Variants in ETV6 observed in about 807,000 individuals in gnomAD.
The protein encoded by ETV6 is ETS variant transcription factor 6, also known as transcription factor ETV6.
Under a neutral mutation model 51.1 loss-of-function variants are expected in ETV6, and 16 were observed. The ratio of observed to expected loss-of-function variants is 0.31; its 90% CI spans 0.21 to 0.48. The LOEUF is 0.48. ETV6 is among the 20% of genes least tolerant of loss of function. ETV6 has a pLI of 0.99. For missense variants in ETV6, 458 were observed against 594.8 expected, an observed-to-expected ratio of 0.77 and a Z score of 2.39; for synonymous variants, 240 against 224.1, an observed-to-expected ratio of 1.07 and a Z score of -0.64.
intron 1 of ETV6, among the ~76,000 whole-genome samples, chr12:11,671,416 G>A (rs1213976810): frequency 6.6e-6 from 1 of 152,180 alleles, no homozygotes; most frequent in African/African-American, 2.4e-5. Flanking sequence ...GTGATGTTCA[G>A]TAGATCAGTA....
chr12:11,748,394 T>G (rs1307006046), intron 1 of ETV6, among the ~76,000 whole-genome samples: 1 of 152,228 alleles, frequency 6.6e-6, no homozygotes, highest in Non-Finnish European at 1.5e-5. Flanking sequence ...CTGCAAACCA[T>G]CTTTTTGCAA....
intron 2 of ETV6, among the ~76,000 whole-genome samples, chr12:11,780,987 C>T (rs779879745): frequency 6.6e-6 from 1 of 152,194 alleles, no homozygotes; most frequent in African/African-American, 2.4e-5. Flanking sequence ...CTTTCAGTTA[C>T]AGGTACAAGA....
At chr12:11,885,241 C>T (rs929284521) in intron 6 of ETV6, among the ~76,000 whole-genome samples, 6 of 152,302 alleles carry the variant, frequency 3.9e-5, no homozygotes, top group East Asian at 3.9e-4. Context: ...AACCCCAATC[C>T]GCTGAGTGAG....
intron 5 of ETV6, among the ~76,000 whole-genome samples, chr12:11,878,739 T>A (rs1947034336): frequency 6.6e-6 from 1 of 150,890 alleles, no homozygotes; most frequent in Non-Finnish European, 1.5e-5. Context: ...TAAACACACC[T>A]CTGCGTATCA....
chr12:11,714,690 A>T (rs962531100), intron 1 of ETV6, among the ~76,000 whole-genome samples: 10 of 149,768 alleles, frequency 6.7e-5, no homozygotes, highest in Non-Finnish European at 1.5e-4. Context: ...GATGGAAGAC[A>T]CTTACAGACA....
At chr12:11,667,635 T>G (rs570252210) in intron 1 of ETV6, among the ~76,000 whole-genome samples, 1 of 149,934 alleles carries the variant, frequency 6.7e-6, no homozygotes, top group Admixed American at 6.7e-5. Flanking sequence ...GCTCCAGCGA[T>G]CCTCCCACCT....
At chr12:11,773,086 C>T (rs11609606) in intron 2 of ETV6, among the ~76,000 whole-genome samples, 1,901 of 151,060 alleles carry the variant, frequency 0.013, 19 homozygotes, top group Non-Finnish European at 0.02. Context: ...CCCAGCTACT[C>T]GGGAGGCTGA....
chr12:11,816,328 T>A (rs979721880), intron 2 of ETV6, among the ~76,000 whole-genome samples: 4 of 152,374 alleles, frequency 2.6e-5, no homozygotes, highest in Middle Eastern at 3.4e-3. Flanking sequence ...CACTGCAACC[T>A]CTGTCTCCCA....
intron 2 of ETV6, among the ~76,000 whole-genome samples, chr12:11,832,918 T>C (rs11054469): frequency 6.6e-6 from 1 of 152,356 alleles, no homozygotes; most frequent in East Asian, 1.9e-4. Context: ...CTATACGATC[T>C]GCACTTTGTC....
intron 1 of ETV6, among the ~76,000 whole-genome samples, chr12:11,678,405 T>C (rs927388116): frequency 6.6e-6 from 1 of 152,202 alleles, no homozygotes; most frequent in African/African-American, 2.4e-5. Flanking sequence ...ACCTAGGTGG[T>C]TGGCAATTAG....
intron 2 of ETV6, among the ~76,000 whole-genome samples, chr12:11,757,980 C>T (rs778454277): frequency 1.1e-4 from 16 of 152,162 alleles, no homozygotes; most frequent in Non-Finnish European, 2.2e-4. Flanking sequence ...CTCCCTACAA[C>T]CAGAATGCCA....
intron 1 of ETV6, among the ~76,000 whole-genome samples, chr12:11,724,665 A>G (rs144225231): frequency 3.3e-5 from 5 of 152,234 alleles, no homozygotes; most frequent in South Asian, 2.1e-4. Flanking sequence ...AGTTGAGGGG[A>G]GTGAGGGGCT....
chr12:11,701,304 C>T (rs1321964244), intron 1 of ETV6, among the ~76,000 whole-genome samples: 1 of 152,182 alleles, frequency 6.6e-6, no homozygotes, highest in African/African-American at 2.4e-5. Context: ...CCTCCCCCAG[C>T]CCCTGGTAAT....
chr12:11,728,711 T>G (rs1865537840), intron 1 of ETV6, among the ~76,000 whole-genome samples: 2 of 152,110 alleles, frequency 1.3e-5, no homozygotes, highest in South Asian at 2.1e-4. Flanking sequence ...TACCTAGAAA[T>G]CCCCTTCAGG....
At chr12:11,686,054 G>C (rs1864622542) in intron 1 of ETV6, among the ~76,000 whole-genome samples, 1 of 152,210 alleles carries the variant, frequency 6.6e-6, no homozygotes, top group Non-Finnish European at 1.5e-5. Flanking sequence ...TTATAAGACA[G>C]CTTAAAATAT....
intron 3 of ETV6, among the ~76,000 whole-genome samples, chr12:11,849,673 C>T (rs1453636138): frequency 6.6e-6 from 1 of 152,182 alleles, no homozygotes; most frequent in Non-Finnish European, 1.5e-5. Flanking sequence ...AACTTTCTAT[C>T]AACTAGAGCT....
intron 2 of ETV6, among the ~76,000 whole-genome samples, chr12:11,779,267 T>C (rs953374900): frequency 1.3e-5 from 2 of 152,228 alleles, no homozygotes; most frequent in African/African-American, 4.8e-5. Flanking sequence ...TTTATGGTTC[T>C]TAGAGGATCA....
At chr12:11,856,854 A>G (rs1946640289) in intron 4 of ETV6, among the ~76,000 whole-genome samples, 2 of 152,258 alleles carry the variant, frequency 1.3e-5, no homozygotes, top group African/African-American at 4.8e-5. Flanking sequence ...TACATATCAA[A>G]TATTACTTCC....
intron 2 of ETV6, among the ~76,000 whole-genome samples, chr12:11,777,264 C>T (rs1945342651): frequency 8.2e-6 from 1 of 122,356 alleles, no homozygotes; most frequent in African/African-American, 2.8e-5. Context: ...AAAAAAAAAT[C>T]ACGTTTTTTA....
Sources: gnomAD v4.1 joint callset for allele counts (sites outside exome capture counted in the v4.1 genomes callset) on GRCh38, gnomAD v4.1.1 for gene constraint, MANE v1.5 for transcripts, NCBI Gene and HGNC (gene_info 2026-07-23, HGNC 2026-07-21) for gene names.